SMG5: variants seen among roughly 807,000 people sequenced by gnomAD.
The protein encoded by SMG5 is SMG5 nonsense mediated mRNA decay factor.
In SMG5, 53 loss-of-function variants were observed where a neutral mutation model predicts 122.9. The observed-to-expected ratio is 0.43, with a 90% CI of 0.35 to 0.54. SMG5 has a LOEUF of 0.54. SMG5 is among the 20% of genes least tolerant of loss of function. The pLI is 0.01. For missense variants in SMG5, 1,153 were observed against 1,285.6 expected (o/e 0.90, Z 1.58); for synonymous variants, 477 against 490.2 (o/e 0.97, Z 0.35).
Position 156,249,931 on chromosome 1 carries a change from G to A in SMG5, c.*656C>T. 1 of 471,178 alleles carries A rather than the reference G, an allele frequency of 2.1e-6. No homozygotes were observed. Among genetic ancestry groups the A allele is most frequent in the Non-Finnish European group, 4.4e-6 (1 of 227,048 alleles). The allele number at this position is 471,178 out of a possible 1,614,324, so 29.2% of individuals were successfully genotyped here. A position where few individuals can be genotyped will look rare whatever the true frequency, so the allele number is the denominator to read the frequency against. On this transcript the variant is annotated 3_prime_UTR_variant, in exon 22 of 22. Coordinates refer to ENST00000361813, the MANE Select transcript of SMG5 (RefSeq NM_015327.3). ...AGACAGAGGGAGACACAAAGCAGAA[G>A]TGGGGCAATGGGATGTGCAGCCCCT... is the stretch of plus-strand genomic sequence containing the variant.
chr1:156,285,707 C>T (rs765235278), upstream of SMG5: 22 of 1,612,788 alleles, frequency 1.4e-5, no homozygotes, highest in South Asian at 2.4e-4. Flanking sequence ...AACCTTCATG[C>T]CCCCCCGGGT....
intron 15 of SMG5, among the ~76,000 whole-genome samples, chr1:156,260,033 G>C (rs1661748454): frequency 2.0e-5 from 3 of 152,186 alleles, no homozygotes; most frequent in African/African-American, 7.2e-5. Flanking sequence ...GGAGATTTAA[G>C]GGTGAAAGCT....
intron 16 of SMG5, 112 bp downstream of exon 16, chr1:156,258,893 A>T: frequency 7.6e-7 from 1 of 1,320,774 alleles, no homozygotes; most frequent in Non-Finnish European, 1.0e-6. Flanking sequence ...CTCCCTAGGC[A>T]TCTTACTATG....
At chr1:156,281,558 A>G (rs745862477) in intron 1 of SMG5, among the ~76,000 whole-genome samples, 1 of 152,240 alleles carries the variant, frequency 6.6e-6, no homozygotes, top group African/African-American at 2.4e-5. Context: ...TTACAAAGCC[A>G]GAGAAGGCAG....
At chr1:156,259,646 C>T (rs565891242) in intron 15 of SMG5, among the ~76,000 whole-genome samples, 16 of 152,100 alleles carry the variant, frequency 1.1e-4, no homozygotes, top group Admixed American at 2.0e-4. Flanking sequence ...CCTCCTGCCT[C>T]GGCCCCCAAG....
At chr1:156,265,704 A>G (rs1662092749) in intron 12 of SMG5, 77 bp downstream of exon 12, 29 of 1,546,542 alleles carry the variant, frequency 1.9e-5, no homozygotes, top group African/African-American at 4.1e-5. Context: ...TCACACAGAT[A>G]GGAAAGCGGC....
intron 16 of SMG5, among the ~76,000 whole-genome samples, chr1:156,254,539 G>T (rs1175927559): frequency 6.6e-6 from 1 of 152,076 alleles, no homozygotes. Flanking sequence ...TGCCTCCCGG[G>T]CTCAAATGAT....
chr1:156,257,249 G>A (rs1282101635), intron 16 of SMG5, among the ~76,000 whole-genome samples: 2 of 152,076 alleles, frequency 1.3e-5, no homozygotes, highest in East Asian at 1.9e-4. Flanking sequence ...TCTATAAAAT[G>A]GAGGATGCAA....
chr1:156,267,136 T>A (rs1662187390), intron 10 of SMG5, among the ~76,000 whole-genome samples: 1 of 152,182 alleles, frequency 6.6e-6, no homozygotes, highest in Non-Finnish European at 1.5e-5. Context: ...CTTCCAGAAT[T>A]GCCTAAATGC....
At chr1:156,279,715 C>T (rs1371421230) in intron 1 of SMG5, among the ~76,000 whole-genome samples, 1 of 152,098 alleles carries the variant, frequency 6.6e-6, no homozygotes, top group East Asian at 1.9e-4. Flanking sequence ...AAAGGAAAGA[C>T]ACTTCTAGTA....
Position 156,278,031 on chromosome 1 carries a change from A to G in SMG5, c.191T>C (p.Val64Ala). Residue 64 changes from valine to alanine, a missense_variant, in exon 3 of 22, where the codon GTC (valine) becomes GCC (alanine). Coordinates refer to ENST00000361813, the MANE Select transcript of SMG5 (RefSeq NM_015327.3). ...CACTGGGTGCAGGAACATAAGCTTG[A>G]CGCAGAGCTCACGCAGCCTGGAGGG... ...SLRNKLRELC[V>A]KLMFLHPVDY... The G allele has an allele frequency of 6.2e-7, 1 of 1,614,104 alleles. No individual in the cohort carries two copies. The highest frequency in any genetic ancestry group is 1.1e-5 in the South Asian group (1 of 91,084).
chr1:156,273,012 T>C (rs1380690916), intron 6 of SMG5, among the ~76,000 whole-genome samples: 3 of 152,166 alleles, frequency 2.0e-5, no homozygotes, highest in African/African-American at 7.2e-5. Context: ...ATCTCAGCAC[T>C]GAATGCTTGT....
chr1:156,285,752 G>A (rs1405106130), upstream of SMG5: 2 of 1,613,224 alleles, frequency 1.2e-6, no homozygotes, highest in East Asian at 2.2e-5. Flanking sequence ...CAAGTGGGCT[G>A]AGGCAGTGGT....
rs1235656009 is a variant in SMG5 at position 156,277,078 on chromosome 1, C to T, written c.454+7G>A. 1 of 1,611,504 alleles carries T rather than the reference C, an allele frequency of 6.2e-7. No homozygotes were observed. Among genetic ancestry groups the T allele is most frequent in the Non-Finnish European group, 8.5e-7 (1 of 1,178,692 alleles). ...CTGCTCAAGTCCACCTTTCAGGTTC[C>T]ACTGACCTATGAGGGGGTCAGTGAC... On this transcript the variant is annotated splice_region_variant and intron_variant, in intron 4 of 21. Coordinates refer to ENST00000361813, the MANE Select transcript of SMG5 (RefSeq NM_015327.3).
Position 156,250,160 on chromosome 1 carries a change from C to T in SMG5, c.*427G>A, listed in dbSNP as rs1027685789. 1.7e-5 allele frequency: 6 copies of T among 355,274 alleles called. No homozygotes were observed. Among genetic ancestry groups the T allele is most frequent in the Non-Finnish European group, 3.4e-5 (6 of 178,700 alleles). 22.0% of individuals were successfully genotyped at this position (355,274 alleles called of 1,614,324 possible). Reference sequence around the variant, plus strand: ...CACCAGGTATTACCCAGCTCTTCCCCCAAGACCTAGAGGGTCCAAACTCCT... The same window carrying T: ...CACCAGGTATTACCCAGCTCTTCCCTCAAGACCTAGAGGGTCCAAACTCCT... On this transcript the variant is annotated 3_prime_UTR_variant, in exon 22 of 22. Transcript: ENST00000361813.
chr1:156,266,529 C>T lies in SMG5; in HGVS notation c.1255+12G>A, dbSNP rs767710879. On this transcript the variant is annotated intron_variant, in intron 11 of 21. Coordinates refer to ENST00000361813, the MANE Select transcript of SMG5 (RefSeq NM_015327.3). ...AACCTTTCCATAGTGATGACCTCCC[C>T]GATTCTCCCACCTGTGCCATCACTC... 1.9e-6 allele frequency: 3 copies of T among 1,614,118 alleles called. No homozygotes were observed. Among genetic ancestry groups the T allele is most frequent in the African/African-American group, 1.3e-5 (1 of 75,034 alleles).
At chr1:156,255,324 A>G (rs1378644696) in intron 16 of SMG5, among the ~76,000 whole-genome samples, 1 of 149,524 alleles carries the variant, frequency 6.7e-6, no homozygotes, top group African/African-American at 2.5e-5. Context: ...GTAGATCACG[A>G]GGTCAGGAGT....
intron 11 of SMG5, 49 bp downstream of exon 11, chr1:156,266,492 A>G (rs759292957): frequency 6.2e-7 from 1 of 1,612,740 alleles, no homozygotes; most frequent in Admixed American, 1.7e-5. Context: ...CTTCATCCCC[A>G]TGCCCCACAC....
At chr1:156,270,834 C>T (rs975671805) in intron 7 of SMG5, among the ~76,000 whole-genome samples, 4 of 152,020 alleles carry the variant, frequency 2.6e-5, no homozygotes, top group African/African-American at 9.7e-5. Context: ...ATGGAGAAAC[C>T]CGGTCTCTAC....
Sources: allele counts gnomAD v4.1 joint callset (sites outside exome capture counted in the v4.1 genomes callset), GRCh38; gene constraint gnomAD v4.1.1; transcripts MANE v1.5; gene names NCBI Gene and HGNC (gene_info 2026-07-23, HGNC 2026-07-21).